Variants in ADGRL1 observed in about 807,000 individuals in gnomAD.
ADGRL1 encodes adhesion G protein-coupled receptor L1, also known as CIRL-1.
A neutral mutation model predicts 148.9 loss-of-function variants in ADGRL1; 31 were observed. The observed-to-expected ratio is 0.21, with a 90% CI of 0.16 to 0.28. The LOEUF (loss-of-function observed/expected upper bound fraction) is 0.28. Ranked by LOEUF, ADGRL1 falls within the 10% of genes least tolerant of loss-of-function variation. The pLI is 1.00. For missense variants in ADGRL1, 1,521 were observed against 2,058.8 expected (o/e 0.74, Z 5.05); for synonymous variants, 937 against 900.3 (o/e 1.04, Z -0.73).
chr19:14,184,229 GACGCCCGAGTCC>G (rs893474295), intron 1 of ADGRL1, among the ~76,000 whole-genome samples: 4 of 152,122 alleles, frequency 2.6e-5, no homozygotes, highest in Non-Finnish European at 5.9e-5. Context: ...GGGAACCAGG[GACGCCCGAGTCC>G]CCTCTTTCCT....
intron 2 of ADGRL1, among the ~76,000 whole-genome samples, chr19:14,181,453 TCACGCCTGTAATCCCAG>T (rs1360417943): frequency 1.2e-4 from 18 of 152,270 alleles, no homozygotes; most frequent in African/African-American, 3.4e-4. Flanking sequence ...GCGCGGTGGT[TCACGCCTGTAATCCCAG>T]CACTTTGGAA....
At chr19:14,165,699 A>T (rs1969892628) in intron 4 of ADGRL1, among the ~76,000 whole-genome samples, 1 of 151,442 alleles carries the variant, frequency 6.6e-6, no homozygotes, top group South Asian at 2.1e-4. Flanking sequence ...CAGGAGAAAG[A>T]GAGGAGACTG....
rs1414077007 is a variant in ADGRL1 at position 14,152,883 on chromosome 19, A to G, written c.3324T>C (p.Arg1108=). 1 of 1,614,092 alleles carries G rather than the reference A, an allele frequency of 6.2e-7. No homozygotes were observed. ...GGGAGCGGATGCAGCAGTAGGAGTG[A>G]CGCAGGCACTTGCTGTACTCCTTGT... ...KVHKEYSKCL[R]HSYCCIRSPP... The change falls in exon 19 of 23, where the codon CGT becomes CGC. Residue 1108 remains arginine, a synonymous_variant. Transcript: ENST00000361434. This position sits in a 1 kb window ranked among gnomAD's most constrained non-coding sequence, Gnocchi z 6.1.
In ADGRL1 at chr19:14,159,428, G is replaced by A. The variant is rs762266945; in HGVS notation, c.1996C>T (p.Arg666Cys). The change falls in exon 10 of 23, where the codon CGC becomes TGC. Residue 666 changes from arginine to cysteine, a missense_variant. Transcript: ENST00000361434. The surrounding 1 kb of genome is among the most constrained non-coding windows in gnomAD (Gnocchi z 6.0). ...ACGTTCTCCTTGGCAGCCAGGAAGCGGGCAGGCTCCCTGACATTGTCGGCC... is the reference window on the plus strand; with the variant it reads ...ACGTTCTCCTTGGCAGCCAGGAAGCAGGCAGGCTCCCTGACATTGTCGGCC... ...LLADNVREPA[R>C]FLAAKENVVL... 3.1e-6 allele frequency: 5 copies of A among 1,611,816 alleles called. No homozygotes were observed. The highest frequency in any genetic ancestry group is 3.4e-6 in the Non-Finnish European group (4 of 1,178,802).
chr19:14,156,409 G>T (rs942110902), intron 16 of ADGRL1, among the ~76,000 whole-genome samples: 1 of 152,064 alleles, frequency 6.6e-6, no homozygotes. Context: ...CTGCTGGGAG[G>T]ACAAGGCCCA....
In ADGRL1 at chr19:14,149,946, T is replaced by C. The variant is rs1599373579; in HGVS notation, c.*927A>G. 6.7e-6 allele frequency: 1 copy of C among 150,358 alleles called. No homozygotes were observed. Among genetic ancestry groups the C allele is most frequent in the Non-Finnish European group, 1.5e-5 (1 of 67,478 alleles). 9.3% of individuals were successfully genotyped at this position (150,358 alleles called of 1,614,324 possible). A position where few individuals can be genotyped will look rare whatever the true frequency, so the allele number is the denominator to read the frequency against. On this transcript the variant is annotated 3_prime_UTR_variant, in exon 23 of 23. Coordinates refer to ENST00000361434, the MANE Select transcript of ADGRL1 (RefSeq NM_014921.5). Reference sequence around the variant, plus strand: ...TCTTTTTTTTTTTTTTTGTCTTTTTTTTTTCTTTTCCATTTCGTTGAAATA... The same window carrying C: ...TCTTTTTTTTTTTTTTTGTCTTTTTCTTTTCTTTTCCATTTCGTTGAAATA...
chr19:14,165,014 G>A (rs1599431943), intron 4 of ADGRL1, among the ~76,000 whole-genome samples: 1 of 152,282 alleles, frequency 6.6e-6, no homozygotes, highest in South Asian at 2.1e-4. Context: ...CGAGGGGATC[G>A]GGGGGCTGGG....
intron 2 of ADGRL1, among the ~76,000 whole-genome samples, chr19:14,179,634 C>T (rs1433396599): frequency 1.3e-5 from 2 of 151,784 alleles, no homozygotes; most frequent in East Asian, 1.9e-4. Flanking sequence ...AGGCCGGGCT[C>T]GGTGGCTCAC....
At chr19:14,200,046 A>C (rs1599525656) in intron 1 of ADGRL1, among the ~76,000 whole-genome samples, 3 of 152,262 alleles carry the variant, frequency 2.0e-5, no homozygotes, top group South Asian at 4.1e-4. Flanking sequence ...TGCAATTTTC[A>C]ACAGGATGAT....
intron 1 of ADGRL1, among the ~76,000 whole-genome samples, chr19:14,192,675 T>A (rs1972020610): frequency 6.6e-6 from 1 of 152,112 alleles, no homozygotes; most frequent in African/African-American, 2.4e-5. Context: ...CTCAGCCTCC[T>A]GAGTAGCTGA....
chr19:14,191,495 G>T (rs1196220863), intron 1 of ADGRL1: 1 of 455,926 alleles, frequency 2.2e-6, no homozygotes, highest in African/African-American at 2.0e-5. Context: ...ATTAGCTCGG[G>T]CTGCCATAAC....
chr19:14,153,228 C>T (rs1236375523), intron 18 of ADGRL1, among the ~76,000 whole-genome samples: 1 of 152,102 alleles, frequency 6.6e-6, no homozygotes, highest in Non-Finnish European at 1.5e-5. Context: ...CAATTTAGGC[C>T]TCAGGGAAGG....
intron 2 of ADGRL1, among the ~76,000 whole-genome samples, chr19:14,182,408 G>T (rs1010957800): frequency 1.7e-4 from 26 of 152,296 alleles, no homozygotes; most frequent in Non-Finnish European, 2.2e-4. Flanking sequence ...GCCCCAATGT[G>T]GGGACCGTCG....
At chr19:14,175,360 TAC>T (rs1970747570) in intron 3 of ADGRL1, among the ~76,000 whole-genome samples, 4 of 148,208 alleles carry the variant, frequency 2.7e-5, no homozygotes, top group Non-Finnish European at 6.0e-5. Context: ...CACAGTTAAA[TAC>T]ACAAAGACAC....
At chr19:14,195,908 C>T (rs1409754970) in intron 1 of ADGRL1, among the ~76,000 whole-genome samples, 1 of 152,152 alleles carries the variant, frequency 6.6e-6, no homozygotes, top group African/African-American at 2.4e-5. Flanking sequence ...TCCTCCAGCT[C>T]AGTGGATGGC....
chr19:14,163,938 C>T (rs1001160082), intron 4 of ADGRL1, among the ~76,000 whole-genome samples: 3 of 149,436 alleles, frequency 2.0e-5, no homozygotes, highest in South Asian at 2.1e-4. Flanking sequence ...CAACCACACC[C>T]GGACAGTGTT....
chr19:14,205,555 A>T (rs1972938989), intron 1 of ADGRL1, among the ~76,000 whole-genome samples: 1 of 150,814 alleles, frequency 6.6e-6, no homozygotes, highest in Non-Finnish European at 1.5e-5. Context: ...CCCTCCGCTC[A>T]CACCCAGACA....
rs777416729 is a variant in ADGRL1 at position 14,151,085 on chromosome 19, G to T, written c.4198C>A (p.Pro1400Thr). Reference sequence around the variant, plus strand: ...GGGGGTGGGGGCAGGGCCTCACTGGGCCCCTCAGGGCTGCTGTCCGGGTAG... The same window carrying T: ...GGGGGTGGGGGCAGGGCCTCACTGGTCCCCTCAGGGCTGCTGTCCGGGTAG... Reference protein sequence around the residue: ...PSYPDSSPEGPSEALPPPPPA... With the variant: ...PSYPDSSPEGTSEALPPPPPA... Residue 1400 changes from proline (P) to threonine (T), a missense_variant, in exon 23 of 23, where the codon CCC (proline) becomes ACC (threonine). By Grantham distance (38) the Pro-to-Thr change is conservative (BLOSUM62 -1). Around this residue, in one of 8 missense-constraint regions of ADGRL1, gnomAD observed 390 missense variants for 375.0 expected, o/e 1.04. Transcript: ENST00000361434. The T allele has an allele frequency of 2.0e-6, 3 of 1,516,310 alleles. No homozygotes were observed. The highest frequency in any genetic ancestry group is 2.7e-6 in the Non-Finnish European group (3 of 1,131,708). 93.9% of individuals were successfully genotyped at this position (1,516,310 alleles called of 1,614,324 possible). A position where few individuals can be genotyped will look rare whatever the true frequency, so the allele number is the denominator to read the frequency against.
intron 4 of ADGRL1, 88 bp from the exon 5 acceptor site, chr19:14,163,494 GA>G (rs1338282774): frequency 3.1e-4 from 302 of 985,218 alleles, no homozygotes; most frequent in Middle Eastern, 1.6e-3. Flanking sequence ...GAGAGAGAGA[GA>G]GAGGGGGGAG....
Sources: gnomAD v4.1 joint callset for allele counts (sites outside exome capture counted in the v4.1 genomes callset) on GRCh38, gnomAD v4.1.1 for gene constraint, gnomAD v4.1.1 regional missense constraint, Gnocchi (gnomAD v3.1) non-coding constraint, MANE v1.5 for transcripts, NCBI Gene and HGNC (gene_info 2026-07-23, HGNC 2026-07-21) for gene names.